LIPA: variants seen among roughly 807,000 people sequenced by gnomAD.
The protein encoded by LIPA is lipase A, lysosomal acid type.
In LIPA, 26 loss-of-function variants were observed where a neutral mutation model predicts 40.6. That is an observed-to-expected ratio of 0.64 (90% CI 0.47 to 0.89). LIPA has a LOEUF of 0.89. Ranked by LOEUF, LIPA falls within the 40% of genes least tolerant of loss-of-function variation. LIPA has a pLI of 0.00. For synonymous variants in LIPA, 188 were observed against 168.4 expected (o/e 1.12, Z -0.90); for missense variants, 455 against 479.6 (o/e 0.95, Z 0.48).
At chr10:89,332,649 G>C in intron 1 of LIPA, 1 of 1,612,504 alleles carries the variant, frequency 6.2e-7, no homozygotes, top group Non-Finnish European at 8.5e-7. Flanking sequence ...CTGCTTCTCT[G>C]ATAGGAAACA....
intron 2 of LIPA, among the ~76,000 whole-genome samples, chr10:89,375,135 G>A (rs1444562096): frequency 6.6e-6 from 1 of 152,230 alleles, no homozygotes; most frequent in Non-Finnish European, 1.5e-5. Flanking sequence ...AATGAGACAT[G>A]CTTTCCATGC....
chr10:89,309,324 A>G (rs1233583435), intron 1 of LIPA: 1 of 152,224 alleles, frequency 6.6e-6, no homozygotes, highest in Admixed American at 6.5e-5. Flanking sequence ...AGTCTTCCCT[A>G]TTAAGTAAAG....
chr10:89,334,478 C>CTTTTTTTTTTTTTTTTTTTTTTT (rs578154457), intron 1 of LIPA, among the ~76,000 whole-genome samples: 2 of 25,334 alleles, frequency 7.9e-5, no homozygotes, highest in African/African-American at 3.4e-4. Context: ...TTCTTTTATT[C>CTTTTTTTTTTTTTTTTTTTTTTT]TTTTTTTTTT....
chr10:89,249,569 G>A (rs1445611392), intron 1 of LIPA, among the ~76,000 whole-genome samples: 2 of 151,310 alleles, frequency 1.3e-5, no homozygotes, highest in African/African-American at 4.9e-5. Flanking sequence ...TAAAAGGGAA[G>A]GAACACAAAA....
intron 1 of LIPA, among the ~76,000 whole-genome samples, chr10:89,274,300 T>C (rs1202451897): frequency 2.0e-5 from 3 of 152,254 alleles, no homozygotes; most frequent in African/African-American, 7.2e-5. Context: ...ACTCACCTTT[T>C]AATGTCCAAA....
At chr10:89,384,999 T>C (rs529938621) in intron 2 of LIPA, 1 of 427,226 alleles carries the variant, frequency 2.3e-6, no homozygotes, top group South Asian at 3.8e-5. Flanking sequence ...GCAATCTTTC[T>C]TGGAACATAG....
chr10:89,338,658 C>A, intron 1 of LIPA: 1 of 1,607,732 alleles, frequency 6.2e-7, no homozygotes, highest in Non-Finnish European at 8.5e-7. Flanking sequence ...ATTTTCTCCA[C>A]AGTGAGGTCA....
chr10:89,250,813 TCTTA>T (rs1452252707), intron 1 of LIPA, among the ~76,000 whole-genome samples: 2 of 151,994 alleles, frequency 1.3e-5, no homozygotes, highest in Non-Finnish European at 2.9e-5. Flanking sequence ...GCCAAGCAAT[TCTTA>T]CTAAGAAGGA....
chr10:89,217,357 T>TATTA (rs1273823309), intron 8 of LIPA, among the ~76,000 whole-genome samples: 1 of 152,254 alleles, frequency 6.6e-6, no homozygotes, highest in Admixed American at 6.5e-5. Context: ...AAATGACTGA[T>TATTA]ATTAAATACC....
intron 1 of LIPA, among the ~76,000 whole-genome samples, chr10:89,331,411 G>A (rs1372626161): frequency 6.6e-6 from 1 of 152,192 alleles, no homozygotes; most frequent in Non-Finnish European, 1.5e-5. Flanking sequence ...GACCTTAAGT[G>A]ATGCACCCAC....
At chr10:89,225,363 A>G in intron 5 of LIPA, 135 bp from the exon 6 acceptor site, 2 of 1,021,768 alleles carry the variant, frequency 2.0e-6, no homozygotes, top group East Asian at 4.8e-5. Flanking sequence ...AGCAGGAGCC[A>G]AAACACTTGA....
intron 8 of LIPA, among the ~76,000 whole-genome samples, chr10:89,222,168 C>G (rs1305507844): frequency 6.6e-6 from 1 of 151,436 alleles, no homozygotes; most frequent in African/African-American, 2.4e-5. Flanking sequence ...AAATCTAGGA[C>G]TCAATGAGAA....
At chr10:89,306,393 G>A (rs34783616) in intron 1 of LIPA, 13 of 1,614,020 alleles carry the variant, frequency 8.1e-6, no homozygotes, top group Middle Eastern at 1.6e-4. Context: ...GGGTGGACAC[G>A]GTTAAAGTGT....
chr10:89,280,020 A>C (rs1843307296), intron 1 of LIPA, among the ~76,000 whole-genome samples: 1 of 152,204 alleles, frequency 6.6e-6, no homozygotes, highest in South Asian at 2.1e-4. Context: ...GTCCAGCAAA[A>C]ATACATTAAT....
intron 1 of LIPA, among the ~76,000 whole-genome samples, chr10:89,272,979 G>A (rs908063660): frequency 3.3e-5 from 5 of 152,108 alleles, no homozygotes; most frequent in Non-Finnish European, 5.9e-5. Context: ...ACAGATGCTG[G>A]ATATTAGACC....
chr10:89,246,673 C>A (rs1843028624), intron 2 of LIPA, among the ~76,000 whole-genome samples: 1 of 152,138 alleles, frequency 6.6e-6, no homozygotes, highest in African/African-American at 2.4e-5. Context: ...ATAATTTGTA[C>A]TTTACTGATA....
intron 2 of LIPA, among the ~76,000 whole-genome samples, chr10:89,399,599 C>T (rs936278082): frequency 1.5e-4 from 13 of 84,456 alleles, no homozygotes; most frequent in African/African-American, 1.5e-3. Context: ...ATATATCCAG[C>T]TTTCCCACAC....
intron 2 of LIPA, among the ~76,000 whole-genome samples, chr10:89,247,311 G>A (rs370130610): frequency 5.5e-5 from 8 of 145,354 alleles, no homozygotes; most frequent in African/African-American, 1.8e-4. Context: ...GGCGGAGGTC[G>A]CAATGAGCCG....
At chr10:89,367,820 A>G (rs1844070136) in intron 2 of LIPA, among the ~76,000 whole-genome samples, 1 of 151,826 alleles carries the variant, frequency 6.6e-6, no homozygotes, top group Non-Finnish European at 1.5e-5. Context: ...AGAAACAGAA[A>G]CTATTTTTTT....
Sources: gnomAD v4.1 joint callset for allele counts (sites outside exome capture counted in the v4.1 genomes callset) on GRCh38, gnomAD v4.1.1 for gene constraint, MANE v1.5 for transcripts, NCBI Gene and HGNC (gene_info 2026-07-23, HGNC 2026-07-21) for gene names.